Variants in HHIP observed in about 807,000 individuals in gnomAD.
HHIP encodes hedgehog-interacting protein.
In HHIP, 12 loss-of-function variants were observed where a neutral mutation model predicts 74.0. The observed-to-expected ratio is 0.16, with a 90% CI of 0.10 to 0.26. The LOEUF is 0.26. Among genes scored for constraint, HHIP ranks in the 10% least tolerant of loss-of-function variants. The probability of loss-of-function intolerance (pLI) is 1.00; values close to 1 mark genes in which losing one functional copy is unlikely to be tolerated. For missense variants in HHIP, 788 were observed against 845.0 expected (o/e 0.93, Z 0.84); for synonymous variants, 309 against 311.6 (o/e 0.99, Z 0.09).
At chr4:144,706,014 T>C (rs965768636) in intron 4 of HHIP, among the ~76,000 whole-genome samples, 1 of 152,242 alleles carries the variant, frequency 6.6e-6, no homozygotes, top group African/African-American at 2.4e-5. Context: ...TTGTGACAAC[T>C]GATGTAGATG....
chr4:144,728,161 C>T (rs1255207662), intron 11 of HHIP, among the ~76,000 whole-genome samples: 2 of 152,270 alleles, frequency 1.3e-5, no homozygotes, highest in East Asian at 3.9e-4. Context: ...AAACCTGTGG[C>T]TCGATTCACT....
intron 3 of HHIP, 40 bp from the exon 4 acceptor site, chr4:144,659,594 TTCA>T: frequency 7.5e-7 from 1 of 1,325,088 alleles, no homozygotes; most frequent in Non-Finnish European, 1.0e-6. Context: ...CCTTATCTCC[TTCA>T]TCTCAAGAAA....
At chr4:144,714,759 C>T (rs1730398709) in intron 9 of HHIP, among the ~76,000 whole-genome samples, 1 of 152,044 alleles carries the variant, frequency 6.6e-6, no homozygotes, top group Non-Finnish European at 1.5e-5. Flanking sequence ...GGACTTTAAG[C>T]GAGATAATAT....
At chr4:144,721,521 C>G (rs1730633072) in intron 11 of HHIP, among the ~76,000 whole-genome samples, 1 of 145,626 alleles carries the variant, frequency 6.9e-6, no homozygotes, top group African/African-American at 2.5e-5. Flanking sequence ...GAGATATTCT[C>G]TTGTAAAAAT....
In HHIP at chr4:144,658,191, A is replaced by G. The variant is rs368002397; in HGVS notation, c.473-599A>G. On this transcript the variant is annotated intron_variant, in intron 2 of 12. Coordinates refer to ENST00000296575, the MANE Select transcript of HHIP (RefSeq NM_022475.3). The stretch of plus-strand genomic sequence containing the variant: ...ACTAGAGAATCTTGAAAAGACATCA[A>G]TGCAATAGCAAGATAAATGCTGAGT... Among the ~76,000 whole-genome samples the G allele has an allele frequency of 2.8e-4, 43 of 152,292 alleles. No individual in the cohort carries two copies. In the East Asian group the frequency reaches 4.8e-3, roughly 17 times the overall value.
chr4:144,696,181 A>G (rs1729812850), intron 4 of HHIP, among the ~76,000 whole-genome samples: 1 of 151,908 alleles, frequency 6.6e-6, no homozygotes, highest in Non-Finnish European at 1.5e-5. Flanking sequence ...TATCTGAGCA[A>G]CCTTATGTGA....
Position 144,695,869 on chromosome 4 carries a change from A to G in HHIP, c.832-10662A>G, listed in dbSNP as rs186650531. 7.9e-5 allele frequency among the ~76,000 whole-genome samples: 12 copies of G among 152,048 alleles called. No homozygotes were observed. The East Asian group carries it at 1.9e-3, about 24-fold the overall frequency. The stretch of plus-strand genomic sequence containing the variant: ...GTATGTGGTGAGCCTGGTGCTAAAT[A>G]TAAGTATAAATGTGCATGTCCATGC... On this transcript the variant is annotated intron_variant, in intron 4 of 12. Transcript: ENST00000296575.
intron 1 of HHIP, chr4:144,650,704 T>G (rs969301530): frequency 1.3e-5 from 2 of 152,134 alleles, no homozygotes; most frequent in East Asian, 3.8e-4. Context: ...GTTACCATCC[T>G]GCTGGGCCGG....
At chr4:144,734,076 T>TTA (rs1304544433) in intron 11 of HHIP, among the ~76,000 whole-genome samples, 3 of 151,660 alleles carry the variant, frequency 2.0e-5, no homozygotes, top group Admixed American at 6.6e-5. Context: ...AAATCAGATT[T>TTA]TATATATATA....
At chr4:144,701,013 CT>C (rs1275586122) in intron 4 of HHIP, among the ~76,000 whole-genome samples, 30 of 152,118 alleles carry the variant, frequency 2.0e-4, no homozygotes, top group African/African-American at 7.0e-4. Context: ...TCTTTTTCCT[CT>C]TTTTCCTTTC....
intron 4 of HHIP, among the ~76,000 whole-genome samples, chr4:144,661,682 T>G (rs1728718190): frequency 6.6e-6 from 1 of 152,160 alleles, no homozygotes; most frequent in Non-Finnish European, 1.5e-5. Context: ...TATGAGTTGA[T>G]CATAGCACTG....
Position 144,740,141 on chromosome 4 carries a change from A to C in HHIP, c.*2184A>C, listed in dbSNP as rs1327015446. On this transcript the variant is annotated 3_prime_UTR_variant, in exon 13 of 13. Coordinates refer to ENST00000296575, the MANE Select transcript of HHIP (RefSeq NM_022475.3). ...CGTGCAGTTTTATTACACATTCTCC[A>C]ATTCTTCCTAGTTTCCCTGAAAACA... The C allele has an allele frequency of 6.6e-6, 1 of 152,168 alleles. No individual in the cohort carries two copies. Among genetic ancestry groups the C allele is most frequent in the East Asian group, 1.9e-4 (1 of 5,194 alleles). The allele number at this position is 152,168 out of a possible 1,614,324, so 9.4% of individuals were successfully genotyped here.
intron 12 of HHIP, among the ~76,000 whole-genome samples, chr4:144,736,215 A>G (rs915408404): frequency 7.0e-6 from 1 of 143,694 alleles, no homozygotes; most frequent in Non-Finnish European, 1.5e-5. Context: ...GGCTCACCAC[A>G]ACCTCCACCT....
intron 12 of HHIP, among the ~76,000 whole-genome samples, chr4:144,736,379 G>T (rs545536287): frequency 3.5e-4 from 53 of 152,080 alleles, no homozygotes; most frequent in Middle Eastern, 3.4e-3. Flanking sequence ...CATGTGATCT[G>T]CCACCTTGGC....
rs1164031170 is a variant in HHIP at position 144,742,847 on chromosome 4, T to TTA, written c.*4900_*4901dup. On this transcript the variant is annotated 3_prime_UTR_variant, in exon 13 of 13. Coordinates refer to ENST00000296575, the MANE Select transcript of HHIP (RefSeq NM_022475.3). ...TATATATTTGGTTATATATATATCT[T>TTA]TATATATATATCTTATATATATATC... The TTA allele has an allele frequency of 6.4e-5, 9 of 140,980 alleles. No individual in the cohort carries two copies. Among genetic ancestry groups the TTA allele is most frequent in the East Asian group, 2.0e-4 (1 of 5,082 alleles). The allele number at this position is 140,980 out of a possible 1,614,324, so 8.7% of individuals were successfully genotyped here.
Position 144,711,999 on chromosome 4 carries a change from C to T in HHIP, c.1351C>T (p.Leu451=), listed in dbSNP as rs372159116. Residue 451 remains leucine (L), a synonymous_variant, in exon 8 of 13, where the codon CTG becomes TTG. Coordinates refer to ENST00000296575, the MANE Select transcript of HHIP (RefSeq NM_022475.3). ...TGATATAAACATCAATTTAACGATA[C>T]TGTGTTCAGACTCCAATGGAAAAAA... The part of the protein sequence containing the change: ...PTDININLTI[L]CSDSNGKNRS... The T allele has an allele frequency of 6.2e-7, 1 of 1,610,894 alleles. No individual in the cohort carries two copies. Among genetic ancestry groups the T allele is most frequent in the Non-Finnish European group, 8.5e-7 (1 of 1,177,290 alleles).
chr4:144,716,727 T>C (rs1730455769), intron 10 of HHIP, among the ~76,000 whole-genome samples: 1 of 151,730 alleles, frequency 6.6e-6, no homozygotes, highest in Admixed American at 6.6e-5. Context: ...CAGGCCCCTG[T>C]AATCACAGTT....
At position 144,676,842 on chromosome 4, in the gene HHIP, T is replaced by C. The variant is rs540107524; in HGVS notation, c.831+17004T>C. ...CGTAAGGAAGGTATAACCAAAGTCT[T>C]GGAGATGCCAGAGGAAAGAACAGGT... On this transcript the variant is annotated intron_variant, in intron 4 of 12. Coordinates refer to ENST00000296575, the MANE Select transcript of HHIP (RefSeq NM_022475.3). Among the ~76,000 whole-genome samples the C allele has an allele frequency of 2.0e-5, 3 of 152,320 alleles. No individual in the cohort carries two copies. In the East Asian group the frequency reaches 5.8e-4, roughly 29 times the overall value.
chr4:144,729,373 A>G lies in HHIP; in HGVS notation c.1761-5368A>G, dbSNP rs1264530288. Among the ~76,000 whole-genome samples the G allele has an allele frequency of 5.9e-5, 9 of 152,262 alleles. No individual in the cohort carries two copies. In the South Asian group the frequency reaches 1.9e-3, roughly 32 times the overall value. Reference sequence around the variant, plus strand: ...CCTCCTTGTTCAGGGCAAGGACTCCACCCAGTTGGAAGATTTCAGAGCATT... The same window carrying G: ...CCTCCTTGTTCAGGGCAAGGACTCCGCCCAGTTGGAAGATTTCAGAGCATT... On this transcript the variant is annotated intron_variant, in intron 11 of 12. Transcript: ENST00000296575.
Sources: allele counts gnomAD v4.1 joint callset (sites outside exome capture counted in the v4.1 genomes callset), GRCh38; gene constraint gnomAD v4.1.1; transcripts MANE v1.5; gene names NCBI Gene and HGNC (gene_info 2026-07-23, HGNC 2026-07-21).